The following ZNF626 variants were observed in gnomAD, a reference collection of about 807,000 sequenced individuals.
ZNF626 encodes the protein zinc finger protein 626, also known as CTC-513N18.7.
ZNF626 carries 4 observed loss-of-function variants against 11.7 expected under a neutral mutation model. That is an observed-to-expected ratio of 0.34 (90% CI 0.17 to 0.78). The LOEUF (loss-of-function observed/expected upper bound fraction) is 0.78, where lower values mean the gene tolerates loss of function less well. ZNF626 is among the 30% of genes least tolerant of loss of function. ZNF626 has a pLI of 0.57. For missense variants in ZNF626, 588 were observed against 587.1 expected (o/e 1.00, Z -0.01); for synonymous variants, 179 against 198.6 (o/e 0.90, Z 0.83).
chr19:20,639,994 A>G (rs1310709042), intron 3 of ZNF626, among the ~76,000 whole-genome samples: 2 of 152,124 alleles, frequency 1.3e-5, no homozygotes, highest in Non-Finnish European at 2.9e-5. Flanking sequence ...TGATGAAAGA[A>G]CAGAATGGAG....
Position 20,625,232 on chromosome 19 carries a change from G to C in ZNF626, c.645C>G (p.Ser215Arg). 1 of 1,612,382 alleles carries C rather than the reference G, an allele frequency of 6.2e-7. No homozygotes were observed. Among genetic ancestry groups the C allele is most frequent in the South Asian group, 1.1e-5 (1 of 91,012 alleles). Residue 215 changes from serine (S) to arginine (R), a missense_variant, in exon 4 of 4, where the codon AGC becomes AGG. By Grantham distance (110) the Ser-to-Arg change is moderately radical. Around this residue, in one of 4 missense-constraint regions of ZNF626, gnomAD observed 524 missense variants for 470.1 expected, o/e 1.11. Coordinates refer to ENST00000601440, the MANE Select transcript of ZNF626 (RefSeq NM_001076675.3). ...TATGAATTTTCTTATGTCTAGTAAGGCTACAAGAGTGGTTAAAGGCTTTGC... is the reference window on the plus strand; with the variant it reads ...TATGAATTTTCTTATGTCTAGTAAGCCTACAAGAGTGGTTAAAGGCTTTGC... ...ECGKAFNHSC[S>R]LTRHKKIHTG...
chr19:20,646,596 A>G lies in ZNF626; in HGVS notation c.4-191T>C, dbSNP rs549892406. 2.6e-5 allele frequency among the ~76,000 whole-genome samples: 4 copies of G among 152,372 alleles called. No homozygotes were observed. The South Asian group carries it at 6.2e-4, about 24-fold the overall frequency. On this transcript the variant is annotated intron_variant, in intron 1 of 3. Transcript: ENST00000601440. The stretch of plus-strand genomic sequence containing the variant: ...TCTAACTCTGAGAAGAAAGAGCAGC[A>G]TAAGATCCACAACATCAATTCATGT...
chr19:20,626,923 G>A (rs1324576315), intron 3 of ZNF626, among the ~76,000 whole-genome samples: 1 of 152,054 alleles, frequency 6.6e-6, no homozygotes, highest in Non-Finnish European at 1.5e-5. Context: ...ACAGAGGCCG[G>A]AGAATTGCTT....
At chr19:20,635,657 G>A (rs1969958064) in intron 3 of ZNF626, among the ~76,000 whole-genome samples, 1 of 152,054 alleles carries the variant, frequency 6.6e-6, no homozygotes, top group Non-Finnish European at 1.5e-5. Context: ...ATGTGTTTTT[G>A]ACACATAACG....
At chr19:20,631,560 T>C (rs1168605631) in intron 3 of ZNF626, among the ~76,000 whole-genome samples, 12 of 148,886 alleles carry the variant, frequency 8.1e-5, no homozygotes, top group Non-Finnish European at 1.5e-5. Context: ...TTGTCTCTTT[T>C]GATCTTTGTT....
In ZNF626 at chr19:20,625,450, T is replaced by C; in HGVS notation, c.427A>G (p.Lys143Glu). 1 of 1,614,144 alleles carries C rather than the reference T, an allele frequency of 6.2e-7. No homozygotes were observed. Among genetic ancestry groups the C allele is most frequent in the Non-Finnish European group, 8.5e-7 (1 of 1,180,012 alleles). The stretch of plus-strand genomic sequence containing the variant: ...ACATATTTATCACATTGACATATTT[T>C]TCTTGGGGTAGTTGTCAAACATTGG... ...LNQCLTTTPR[K>E]ICQCDKYVKV... Residue 143 changes from lysine to glutamate, a missense_variant, in exon 4 of 4, where the codon AAA (lysine) becomes GAA (glutamate). Physicochemically the swap from Lys to Glu is moderately conservative, Grantham distance 56. This residue lies in a region of ZNF626 where 524 missense variants were observed against 470.1 expected (regional missense o/e 1.11). Transcript: ENST00000601440.
Position 20,661,532 on chromosome 19 carries a change from G to C in ZNF626, c.-86C>G, listed in dbSNP as rs1389149047. ...GGGGCCACACAGCCTGGGCCTTTAG[G>C]AGAAGAACCAGACCTGGAGCTCTGA... On this transcript the variant is annotated 5_prime_UTR_variant, in exon 1 of 4. Coordinates refer to ENST00000601440, the MANE Select transcript of ZNF626 (RefSeq NM_001076675.3). 1.7e-6 allele frequency: 2 copies of C among 1,154,838 alleles called. No individual in the cohort carries two copies. The highest frequency in any genetic ancestry group is 2.4e-6 in the Non-Finnish European group (2 of 845,128). The allele number at this position is 1,154,838 out of a possible 1,614,324, so 71.5% of individuals were successfully genotyped here.
chr19:20,650,416 G>A (rs781882262), intron 1 of ZNF626, among the ~76,000 whole-genome samples: 8 of 152,174 alleles, frequency 5.3e-5, no homozygotes, highest in Non-Finnish European at 8.8e-5. Flanking sequence ...TCCCTAAATA[G>A]AATGTCTCTG....
At chr19:20,652,274 C>T (rs1363567340) in intron 1 of ZNF626, among the ~76,000 whole-genome samples, 1 of 145,378 alleles carries the variant, frequency 6.9e-6, no homozygotes, top group African/African-American at 2.6e-5. Flanking sequence ...GCTGCTCTAG[C>T]ACATTCTAAA....
At position 20,638,148 on chromosome 19, in the gene ZNF626, C is replaced by T. The variant is rs535813300; in HGVS notation, c.226+7536G>A. On this transcript the variant is annotated intron_variant, in intron 3 of 3. Coordinates refer to ENST00000601440, the MANE Select transcript of ZNF626 (RefSeq NM_001076675.3). The stretch of plus-strand genomic sequence containing the variant: ...TATTTCAAAAATAAATGAGGCCAGG[C>T]GTGGTGGCTCATGCCTGTAATCCCA... Among the ~76,000 whole-genome samples the T allele has an allele frequency of 3.3e-5, 5 of 151,776 alleles. No individual in the cohort carries two copies. The East Asian group carries it at 9.8e-4, about 30-fold the overall frequency.
At chr19:20,649,298 G>C (rs1445169764) in intron 1 of ZNF626, among the ~76,000 whole-genome samples, 1 of 152,100 alleles carries the variant, frequency 6.6e-6, no homozygotes, top group African/African-American at 2.4e-5. Flanking sequence ...CTTTACAACA[G>C]AAGACATTCA....
chr19:20,650,468 A>G (rs797030215), intron 1 of ZNF626, among the ~76,000 whole-genome samples: 2 of 152,332 alleles, frequency 1.3e-5, no homozygotes, highest in African/African-American at 4.8e-5. Context: ...CTAAGACCCT[A>G]TAACACATAA....
At chr19:20,637,018 C>CAAAA (rs74172354) in intron 3 of ZNF626, among the ~76,000 whole-genome samples, 6,513 of 58,614 alleles carry the variant, frequency 0.11, 881 homozygotes, top group African/African-American at 0.24. Flanking sequence ...GACTCCATCT[C>CAAAA]AAAAAAAAAA....
intron 1 of ZNF626, among the ~76,000 whole-genome samples, chr19:20,651,310 C>CT (rs1275063302): frequency 6.6e-6 from 1 of 151,400 alleles, no homozygotes; most frequent in Non-Finnish European, 1.5e-5. Context: ...TTGGACATAT[C>CT]TATTTGTTAT....
In ZNF626 at chr19:20,622,366, A is replaced by G. The variant is rs1318198794; in HGVS notation, c.*1924T>C. On this transcript the variant is annotated 3_prime_UTR_variant, in exon 4 of 4. Transcript: ENST00000601440. ...TAGAAAAGTATTACTCTGAACACCT[A>G]CCTTAAACATTACTTAATATAGGTT... is the stretch of plus-strand genomic sequence containing the variant. The G allele has an allele frequency of 6.6e-6, 1 of 152,174 alleles. No individual in the cohort carries two copies. Among genetic ancestry groups the G allele is most frequent in the Non-Finnish European group, 1.5e-5 (1 of 68,026 alleles). 9.4% of individuals were successfully genotyped at this position (152,174 alleles called of 1,614,324 possible).
intron 1 of ZNF626, among the ~76,000 whole-genome samples, chr19:20,648,103 G>T (rs1017938062): frequency 6.6e-6 from 1 of 150,442 alleles, no homozygotes; most frequent in Non-Finnish European, 1.5e-5. Flanking sequence ...TTGAACCTGG[G>T]AGGTGAAGGT....
At chr19:20,640,156 T>C (rs1462816129) in intron 3 of ZNF626, among the ~76,000 whole-genome samples, 1 of 151,194 alleles carries the variant, frequency 6.6e-6, no homozygotes, top group Non-Finnish European at 1.5e-5. Flanking sequence ...TCCTTGAATG[T>C]TACAAAAATA....
intron 1 of ZNF626, among the ~76,000 whole-genome samples, chr19:20,652,299 G>GAA (rs3078663): frequency 0.21 from 29,152 of 136,558 alleles, 5,226 homozygotes; most frequent in African/African-American, 0.49. Context: ...AAGTCTACAT[G>GAA]AAAAAAAAAA....
chr19:20,652,901 G>T (rs1363515928), intron 1 of ZNF626, among the ~76,000 whole-genome samples: 1 of 152,100 alleles, frequency 6.6e-6, no homozygotes, highest in Non-Finnish European at 1.5e-5. Flanking sequence ...CACTACACAC[G>T]TTACTCTACT....
Sources: gnomAD v4.1 joint callset for allele counts (sites outside exome capture counted in the v4.1 genomes callset) on GRCh38, gnomAD v4.1.1 for gene constraint, gnomAD v4.1.1 regional missense constraint, MANE v1.5 for transcripts, NCBI Gene and HGNC (gene_info 2026-07-23, HGNC 2026-07-21) for gene names.